Variants in LHPP observed in about 807,000 individuals in gnomAD.
LHPP encodes phospholysine phosphohistidine inorganic pyrophosphate phosphatase.
LHPP carries 24 observed loss-of-function variants against 30.3 expected under a neutral mutation model. That is an observed-to-expected ratio of 0.79 (90% CI 0.57 to 1.11). The LOEUF (loss-of-function observed/expected upper bound fraction) is 1.11. LHPP is among the 50% of genes most tolerant of loss of function. The pLI is 0.00. For missense variants in LHPP, 356 were observed against 367.2 expected, an observed-to-expected ratio of 0.97 and a Z score of 0.25; for synonymous variants, 150 against 157.1, an observed-to-expected ratio of 0.95 and a Z score of 0.34.
At chr10:124,513,690 A>G (rs1439041476) in intron 5 of LHPP, among the ~76,000 whole-genome samples, 1 of 151,084 alleles carries the variant, frequency 6.6e-6, no homozygotes, top group East Asian at 2.0e-4. Context: ...TCCTGACCTC[A>G]AGTGATCCAC....
At position 124,610,486 on chromosome 10, in the gene LHPP, TGAGGGTGAGGGTGTTGAC is replaced by T. The variant is rs1233787262; in HGVS notation, c.717-2776_717-2759del. On this transcript the variant is annotated intron_variant, in intron 6 of 6. Coordinates refer to ENST00000368842, the MANE Select transcript of LHPP (RefSeq NM_022126.4). ...AGGGTGAGGGTGCTGATGGAGCGGG[TGAGGGTGAGGGTGTTGAC>T]GGAGCGGGTGAGGGTGCGGGTGAGG... Among the ~76,000 whole-genome samples, 983 of 108,932 alleles carry T rather than the reference TGAGGGTGAGGGTGTTGAC, an allele frequency of 9.0e-3. 111 individuals are homozygous for T. The highest frequency in any genetic ancestry group is 0.013 in the Admixed American group (139 of 10,728). 71.5% of individuals were successfully genotyped at this position (108,932 alleles called of 152,430 possible). A position where few individuals can be genotyped will look rare whatever the true frequency, so the allele number is the denominator to read the frequency against.
At chr10:124,570,097 T>C (rs1948559431) in intron 6 of LHPP, among the ~76,000 whole-genome samples, 1 of 152,164 alleles carries the variant, frequency 6.6e-6, no homozygotes, top group Admixed American at 6.5e-5. Context: ...TTAAAATGTA[T>C]TGGTAACAGG....
rs141230361 is a variant in LHPP, at chr10:124,576,919, C to T, written c.717-36345C>T. 4.7e-4 allele frequency among the ~76,000 whole-genome samples: 72 copies of T among 152,304 alleles called. No homozygotes were observed. Among genetic ancestry groups the T allele is most frequent in the African/African-American group, 1.7e-3 (70 of 41,560 alleles). ...GTGCCACTGTCAAGGGGACTTGGCCCGCCATGATCCTGAGTGCACAGGTAC... is the reference window on the plus strand; with the variant it reads ...GTGCCACTGTCAAGGGGACTTGGCCTGCCATGATCCTGAGTGCACAGGTAC... On this transcript the variant is annotated intron_variant, in intron 6 of 6. Transcript: ENST00000368842. The surrounding 1 kb of genome is among the most constrained non-coding windows in gnomAD (Gnocchi z 4.2).
chr10:124,476,257 G>T (rs1219575283), intron 1 of LHPP, among the ~76,000 whole-genome samples: 1 of 152,132 alleles, frequency 6.6e-6, no homozygotes, highest in Non-Finnish European at 1.5e-5. Context: ...TCAAACTTTG[G>T]ACTCTGATGA....
intron 6 of LHPP, among the ~76,000 whole-genome samples, chr10:124,594,295 A>G (rs1948915709): frequency 7.8e-6 from 1 of 128,752 alleles, no homozygotes; most frequent in Admixed American, 1.1e-4. Flanking sequence ...ATGCCATTGC[A>G]CTCCAGCCTG....
intron 1 of LHPP, among the ~76,000 whole-genome samples, chr10:124,477,437 G>C (rs1952984387): frequency 1.3e-5 from 2 of 152,182 alleles, no homozygotes; most frequent in Non-Finnish European, 2.9e-5. Context: ...GCAGGAGCAG[G>C]CTGGGAGTTA....
At chr10:124,500,679 G>T (rs750126588) in intron 5 of LHPP, among the ~76,000 whole-genome samples, 6 of 151,494 alleles carry the variant, frequency 4.0e-5, no homozygotes. Context: ...AGGAAATGCA[G>T]ATCAAAACTC....
At chr10:124,493,894 A>G (rs1484903704) in intron 3 of LHPP, 1 of 152,218 alleles carries the variant, frequency 6.6e-6, no homozygotes, top group Non-Finnish European at 1.5e-5. Flanking sequence ...CTCTGTCTCT[A>G]AAAAATGTTT....
In LHPP at chr10:124,531,931, A is replaced by G. The variant is rs900850678; in HGVS notation, c.716+14660A>G. On this transcript the variant is annotated intron_variant, in intron 6 of 6. Transcript: ENST00000368842. ...AAATAACTCCATCATTCTTCCTTGTATTTACTCCTGGTGTTTTACTTTAAG... is the reference window on the plus strand; with the variant it reads ...AAATAACTCCATCATTCTTCCTTGTGTTTACTCCTGGTGTTTTACTTTAAG... Among the ~76,000 whole-genome samples the G allele has an allele frequency of 1.6e-4, 25 of 152,002 alleles. 1 individual carries two copies. Among genetic ancestry groups the G allele is most frequent in the African/African-American group, 6.0e-4 (25 of 41,358 alleles).
At chr10:124,571,530 A>T (rs1288710653) in intron 6 of LHPP, among the ~76,000 whole-genome samples, 1 of 152,232 alleles carries the variant, frequency 6.6e-6, no homozygotes, top group Non-Finnish European at 1.5e-5. Flanking sequence ...TCCAGGATGC[A>T]CTGCCTAAAA....
Position 124,592,680 on chromosome 10 carries a change from G to A in LHPP, c.717-20584G>A, listed in dbSNP as rs1948896098. 6.6e-6 allele frequency among the ~76,000 whole-genome samples: 1 copy of A among 152,250 alleles called. No homozygotes were observed. Among genetic ancestry groups the A allele is most frequent in the East Asian group, 1.9e-4 (1 of 5,194 alleles). On this transcript the variant is annotated intron_variant, in intron 6 of 6. Coordinates refer to ENST00000368842, the MANE Select transcript of LHPP (RefSeq NM_022126.4). The surrounding 1 kb of genome is among the most constrained non-coding windows in gnomAD (Gnocchi z 6.2). Reference sequence around the variant, plus strand: ...AGGCCTTCCCGGAGGCCCCATGGCTGTCTTACTTGGTTTGTGGCTTCCCAG... The same window carrying A: ...AGGCCTTCCCGGAGGCCCCATGGCTATCTTACTTGGTTTGTGGCTTCCCAG...
At chr10:124,599,552 G>C (rs961698991) in intron 6 of LHPP, among the ~76,000 whole-genome samples, 1 of 152,232 alleles carries the variant, frequency 6.6e-6, no homozygotes, top group Non-Finnish European at 1.5e-5. Flanking sequence ...CCAGGCAGCT[G>C]CCAGCCCTCC....
chr10:124,544,514 C>T (rs12354695), intron 6 of LHPP, among the ~76,000 whole-genome samples: 6,631 of 150,706 alleles, frequency 0.044, 232 homozygotes, highest in Non-Finnish European at 0.07. Flanking sequence ...GGGGAGCAGG[C>T]GTGCTCAAGC....
intron 6 of LHPP, among the ~76,000 whole-genome samples, chr10:124,539,017 A>C (rs1955110346): frequency 6.6e-6 from 1 of 152,214 alleles, no homozygotes. Flanking sequence ...ATAAGCTTGC[A>C]GCAACGTTGG....
intron 1 of LHPP, among the ~76,000 whole-genome samples, chr10:124,479,233 T>C (rs1953050556): frequency 6.6e-6 from 1 of 152,106 alleles, no homozygotes; most frequent in South Asian, 2.1e-4. Context: ...CCCAAGGTTC[T>C]TGGGTGGTGG....
At position 124,496,041 on chromosome 10, in the gene LHPP, C is replaced by T. The variant is rs1953697557; in HGVS notation, c.468-920C>T. Among the ~76,000 whole-genome samples the T allele has an allele frequency of 1.3e-5, 2 of 152,164 alleles. No homozygotes were observed. Among genetic ancestry groups the T allele is most frequent in the South Asian group, 2.1e-4 (1 of 4,832 alleles). ...CGTGCTTTCTCCACGTCTCCCATAT[C>T]GTAAGGGCATGGCAGGAGGAGAGGG... is the stretch of plus-strand genomic sequence containing the variant. On this transcript the variant is annotated intron_variant, in intron 3 of 6. Transcript: ENST00000368842. This position sits in a 1 kb window ranked among gnomAD's most constrained non-coding sequence, Gnocchi z 4.3.
intron 6 of LHPP, among the ~76,000 whole-genome samples, chr10:124,608,785 CTG>C (rs899265921): frequency 2.0e-5 from 3 of 152,248 alleles, no homozygotes; most frequent in Non-Finnish European, 2.9e-5. Context: ...AGCCTGTCAT[CTG>C]TCCTCCAAGA....
intron 6 of LHPP, among the ~76,000 whole-genome samples, chr10:124,552,637 G>A (rs895979311): frequency 1.3e-4 from 20 of 152,080 alleles, no homozygotes; most frequent in African/African-American, 3.6e-4. Context: ...GCCAGCCCCC[G>A]CCCCTGTAGT....
intron 1 of LHPP, among the ~76,000 whole-genome samples, chr10:124,477,048 C>T (rs1952971838): frequency 6.6e-6 from 1 of 152,122 alleles, no homozygotes; most frequent in South Asian, 2.1e-4. Context: ...ACTAAAAATA[C>T]AAAAATTAGC....
Sources: gnomAD v4.1 joint callset for allele counts (sites outside exome capture counted in the v4.1 genomes callset) on GRCh38, gnomAD v4.1.1 for gene constraint, Gnocchi (gnomAD v3.1) non-coding constraint, MANE v1.5 for transcripts, NCBI Gene and HGNC (gene_info 2026-07-23, HGNC 2026-07-21) for gene names.